Variants in BMPER observed in about 807,000 individuals in gnomAD.
BMPER encodes the protein BMP binding endothelial regulator, also known as BMP-binding endothelial regulator protein.
A neutral mutation model predicts 87.3 loss-of-function variants in BMPER; 45 were observed. That is an observed-to-expected ratio of 0.52 (90% CI 0.41 to 0.66). BMPER has a LOEUF of 0.66. BMPER is among the 30% of genes least tolerant of loss of function. The pLI is 0.00. For missense variants in BMPER, 784 were observed against 867.5 expected, an observed-to-expected ratio of 0.90 and a Z score of 1.21; for synonymous variants, 326 against 316.2, an observed-to-expected ratio of 1.03 and a Z score of -0.33.
intron 11 of BMPER, among the ~76,000 whole-genome samples, chr7:34,065,660 C>G (rs941721271): frequency 1.3e-5 from 2 of 151,956 alleles, no homozygotes; most frequent in Non-Finnish European, 2.9e-5. Flanking sequence ...ATTCTCTAAC[C>G]CTGCAAAAAA....
At chr7:34,069,549 ATAGT>A (rs1413153781) in intron 11 of BMPER, among the ~76,000 whole-genome samples, 2 of 152,168 alleles carry the variant, frequency 1.3e-5, no homozygotes, top group Admixed American at 6.5e-5. Flanking sequence ...AAGAAATTAA[ATAGT>A]TTGTGGTCAG....
intron 13 of BMPER, among the ~76,000 whole-genome samples, chr7:34,089,689 G>A (rs1046493790): frequency 9.9e-5 from 15 of 151,976 alleles, no homozygotes; most frequent in African/African-American, 3.4e-4. Flanking sequence ...TCACCATGTT[G>A]GCCAGGCTGA....
At chr7:33,993,699 T>C (rs1340421914) in intron 6 of BMPER, among the ~76,000 whole-genome samples, 1 of 152,144 alleles carries the variant, frequency 6.6e-6, no homozygotes, top group Non-Finnish European at 1.5e-5. Context: ...GGCCCTCTGC[T>C]TTTTAGAGTT....
At chr7:34,149,963 A>G (rs1210361112) in intron 14 of BMPER, among the ~76,000 whole-genome samples, 2 of 152,190 alleles carry the variant, frequency 1.3e-5, no homozygotes, top group Non-Finnish European at 2.9e-5. Context: ...TGTTAAGTAG[A>G]TAGGGAGAAG....
chr7:33,938,711 T>C (rs111599897), intron 3 of BMPER, among the ~76,000 whole-genome samples: 1,771 of 152,244 alleles, frequency 0.012, 34 homozygotes, highest in African/African-American at 0.041. Flanking sequence ...CCTTTCTTGA[T>C]CTCATCACCT....
intron 6 of BMPER, among the ~76,000 whole-genome samples, chr7:33,997,138 A>G (rs1786436174): frequency 6.6e-6 from 1 of 152,222 alleles, no homozygotes; most frequent in South Asian, 2.1e-4. Context: ...AGAGATCAGG[A>G]TGAAAGTGAA....
chr7:34,020,521 C>T (rs1787151338), intron 6 of BMPER, among the ~76,000 whole-genome samples: 1 of 151,918 alleles, frequency 6.6e-6, no homozygotes, highest in Non-Finnish European at 1.5e-5. Context: ...TCCTGAGCCC[C>T]ACTCCAGAGA....
chr7:34,120,098 A>G (rs4723352), intron 13 of BMPER, among the ~76,000 whole-genome samples: 116,059 of 152,098 alleles, frequency 0.76, 44,888 homozygotes, highest in East Asian at 0.95. Flanking sequence ...CTCTTTAATC[A>G]TAAGGGCAGA....
At chr7:33,923,381 C>G (rs570240686) in intron 2 of BMPER, among the ~76,000 whole-genome samples, 4 of 152,190 alleles carry the variant, frequency 2.6e-5, no homozygotes, top group East Asian at 1.9e-4. Flanking sequence ...TGGGTCTGTG[C>G]CCTCTTCTGT....
intron 11 of BMPER, among the ~76,000 whole-genome samples, chr7:34,063,420 T>C (rs1489409294): frequency 2.0e-5 from 3 of 151,942 alleles, no homozygotes. Flanking sequence ...TATATAAAAC[T>C]ATTAAATATA....
chr7:33,972,707 G>A (rs1785580497), intron 5 of BMPER, among the ~76,000 whole-genome samples: 1 of 152,182 alleles, frequency 6.6e-6, no homozygotes, highest in African/African-American at 2.4e-5. Context: ...TTAGGTCCAG[G>A]TGTTCTGGAA....
intron 2 of BMPER, among the ~76,000 whole-genome samples, chr7:33,933,116 G>A (rs148159198): frequency 6.6e-6 from 1 of 152,180 alleles, no homozygotes; most frequent in Non-Finnish European, 1.5e-5. Flanking sequence ...GGCTTGCGGC[G>A]GGAGCTGTGG....
chr7:34,150,940 G>A (rs1205595376), intron 14 of BMPER, among the ~76,000 whole-genome samples: 8 of 152,192 alleles, frequency 5.3e-5, no homozygotes. Flanking sequence ...TAAGCAGCAG[G>A]TGCTCTTCTT....
chr7:34,019,235 T>C (rs559739029), intron 6 of BMPER, among the ~76,000 whole-genome samples: 9 of 152,094 alleles, frequency 5.9e-5, no homozygotes, highest in African/African-American at 2.2e-4. Context: ...ACAGTTTGCA[T>C]ACAGTGGAGG....
intron 11 of BMPER, among the ~76,000 whole-genome samples, chr7:34,074,546 C>T (rs946079434): frequency 1.3e-5 from 2 of 152,204 alleles, no homozygotes; most frequent in African/African-American, 2.4e-5. Context: ...ATTCCTGGAG[C>T]CCCTGCATGA....
chr7:34,101,384 C>T (rs985036044), intron 13 of BMPER, among the ~76,000 whole-genome samples: 15 of 152,182 alleles, frequency 9.9e-5, no homozygotes, highest in South Asian at 4.1e-4. Context: ...CACTTCTTCA[C>T]GGACTGTCAC....
intron 4 of BMPER, among the ~76,000 whole-genome samples, chr7:33,968,042 C>T (rs1182048625): frequency 6.6e-6 from 1 of 152,182 alleles, no homozygotes; most frequent in Admixed American, 6.5e-5. Flanking sequence ...CTCCAATTGC[C>T]TAGCGTCTCT....
intron 3 of BMPER, among the ~76,000 whole-genome samples, chr7:33,952,134 A>G (rs1329108908): frequency 1.3e-5 from 2 of 152,226 alleles, no homozygotes; most frequent in East Asian, 1.9e-4. Context: ...ATATTCTGCA[A>G]TTAGGACTTC....
intron 13 of BMPER, among the ~76,000 whole-genome samples, chr7:34,138,561 G>A (rs771027401): frequency 2.6e-4 from 39 of 152,086 alleles, no homozygotes; most frequent in Non-Finnish European, 1.0e-4. Context: ...TGAACCTCTT[G>A]GCTGCCAGGC....
Sources: gnomAD v4.1 joint callset for allele counts (sites outside exome capture counted in the v4.1 genomes callset) on GRCh38, gnomAD v4.1.1 for gene constraint, MANE v1.5 for transcripts, NCBI Gene and HGNC (gene_info 2026-07-23, HGNC 2026-07-21) for gene names.